Variants in NCALD observed in about 807,000 individuals in gnomAD.
The protein encoded by NCALD is neurocalcin delta.
A neutral mutation model predicts 18.6 loss-of-function variants in NCALD; 10 were observed. The observed-to-expected ratio is 0.54, with a 90% confidence interval of 0.33 to 0.91. The LOEUF (loss-of-function observed/expected upper bound fraction) is 0.91. NCALD is among the 40% of genes least tolerant of loss of function. The pLI, the probability that NCALD is intolerant of heterozygous loss-of-function variation, is 0.03. For missense variants in NCALD, 184 were observed against 247.6 expected, an observed-to-expected ratio of 0.74 and a Z score of 1.72; for synonymous variants, 88 against 87.4, an observed-to-expected ratio of 1.01 and a Z score of -0.04.
At chr8:101,976,463 A>G (rs1292998174) in intron 2 of NCALD, among the ~76,000 whole-genome samples, 2 of 152,228 alleles carry the variant, frequency 1.3e-5, no homozygotes, top group Admixed American at 1.3e-4. Context: ...GAAAAGATAA[A>G]ATAATTTATT....
chr8:101,933,734 G>A (rs1818658812), intron 2 of NCALD, among the ~76,000 whole-genome samples: 1 of 152,144 alleles, frequency 6.6e-6, no homozygotes, highest in Non-Finnish European at 1.5e-5. Context: ...CCTGTCTTGG[G>A]GGTTGGAGGC....
intron 1 of NCALD, among the ~76,000 whole-genome samples, chr8:101,731,013 G>T (rs1286394201): frequency 6.6e-6 from 1 of 152,208 alleles, no homozygotes; most frequent in East Asian, 1.9e-4. Context: ...GTGAACGGGT[G>T]TCGGAGTTTT....
chr8:101,870,897 AC>A (rs59654249), intron 4 of NCALD, among the ~76,000 whole-genome samples: 3,011 of 24,938 alleles, frequency 0.12, 107 homozygotes, highest in Middle Eastern at 0.17. Flanking sequence ...CACCGCCCCC[AC>A]CCCCCCCCCC....
chr8:101,900,977 T>G (rs1225968569), intron 3 of NCALD, among the ~76,000 whole-genome samples: 1 of 152,076 alleles, frequency 6.6e-6, no homozygotes, highest in Non-Finnish European at 1.5e-5. Flanking sequence ...TTTTCAGTTC[T>G]ATCAGTTTTG....
intron 4 of NCALD, among the ~76,000 whole-genome samples, chr8:101,806,181 C>G (rs1813093702): frequency 6.6e-6 from 1 of 151,900 alleles, no homozygotes; most frequent in South Asian, 2.1e-4. Context: ...TCATTAAAAA[C>G]AACAACAAAA....
At chr8:102,117,866 G>T (rs899212638) in intron 1 of NCALD, among the ~76,000 whole-genome samples, 1 of 152,146 alleles carries the variant, frequency 6.6e-6, no homozygotes, top group South Asian at 2.1e-4. Flanking sequence ...AAACACACAG[G>T]TTGGGGAAAA....
intron 2 of NCALD, among the ~76,000 whole-genome samples, chr8:101,987,540 A>G (rs921960562): frequency 6.6e-6 from 1 of 152,202 alleles, no homozygotes; most frequent in Non-Finnish European, 1.5e-5. Flanking sequence ...ATAAGTGATA[A>G]AAGCCAATGC....
chr8:101,915,104 C>T (rs952090171), intron 3 of NCALD, among the ~76,000 whole-genome samples: 1 of 152,130 alleles, frequency 6.6e-6, no homozygotes, highest in Non-Finnish European at 1.5e-5. Flanking sequence ...CTCATAACAA[C>T]AAAATATGGT....
intron 4 of NCALD, among the ~76,000 whole-genome samples, chr8:101,813,259 G>A (rs1813373060): frequency 6.6e-6 from 1 of 152,068 alleles, no homozygotes; most frequent in Non-Finnish European, 1.5e-5. Context: ...GAAGAAAGAG[G>A]AATGAGCCAG....
At chr8:102,080,285 CT>C (rs1297081002) in intron 1 of NCALD, among the ~76,000 whole-genome samples, 10 of 152,180 alleles carry the variant, frequency 6.6e-5, no homozygotes. Flanking sequence ...TCCAACCAAC[CT>C]TTATAGCTTA....
At chr8:101,850,894 A>C (rs1407390877) in intron 4 of NCALD, among the ~76,000 whole-genome samples, 1 of 152,198 alleles carries the variant, frequency 6.6e-6, no homozygotes, top group Non-Finnish European at 1.5e-5. Flanking sequence ...ACCCAGATTG[A>C]CAGTTGTCCA....
intron 2 of NCALD, among the ~76,000 whole-genome samples, chr8:101,997,249 G>A (rs1374846924): frequency 6.6e-6 from 1 of 152,216 alleles, no homozygotes; most frequent in Non-Finnish European, 1.5e-5. Context: ...GATATAAAGA[G>A]AGCAGGCAAT....
At chr8:101,747,411 A>G (rs1378929295) in intron 1 of NCALD, among the ~76,000 whole-genome samples, 1 of 152,180 alleles carries the variant, frequency 6.6e-6, no homozygotes, top group East Asian at 1.9e-4. Flanking sequence ...TAAAATTGTT[A>G]TGGTCATCTT....
At chr8:101,772,505 ACT>A (rs2130903659) in intron 1 of NCALD, among the ~76,000 whole-genome samples, 1 of 151,822 alleles carries the variant, frequency 6.6e-6, no homozygotes, top group South Asian at 2.1e-4. Flanking sequence ...GAACAAAACA[ACT>A]CTCTACCTGT....
At chr8:102,116,696 T>TG (rs1165463562) in intron 1 of NCALD, among the ~76,000 whole-genome samples, 3 of 152,178 alleles carry the variant, frequency 2.0e-5, no homozygotes, top group Admixed American at 6.5e-5. Context: ...TTGGTAGAGA[T>TG]GGGGTCTCAC....
At chr8:101,970,968 G>T (rs1820218569) in intron 2 of NCALD, among the ~76,000 whole-genome samples, 1 of 152,242 alleles carries the variant, frequency 6.6e-6, no homozygotes, top group South Asian at 2.1e-4. Flanking sequence ...GTTCACTCTT[G>T]AAAGACTGGA....
At chr8:101,824,604 T>A (rs553723293) in intron 4 of NCALD, among the ~76,000 whole-genome samples, 28 of 152,230 alleles carry the variant, frequency 1.8e-4, no homozygotes, top group Admixed American at 3.3e-4. Context: ...TGGCAAAGAA[T>A]TGAGTGACTA....
At chr8:101,704,445 C>T (rs978861942) in intron 2 of NCALD, among the ~76,000 whole-genome samples, 7 of 152,044 alleles carry the variant, frequency 4.6e-5, no homozygotes, top group African/African-American at 1.2e-4. Context: ...TCTAGGATAC[C>T]GCATGAGAAA....
At chr8:102,062,461 G>T (rs498666) in intron 1 of NCALD, among the ~76,000 whole-genome samples, 1 of 152,110 alleles carries the variant, frequency 6.6e-6, no homozygotes, top group Admixed American at 6.5e-5. Flanking sequence ...GTTCACTATT[G>T]TAGCCTCAGC....
Sources: gnomAD v4.1 joint callset for allele counts (sites outside exome capture counted in the v4.1 genomes callset) on GRCh38, gnomAD v4.1.1 for gene constraint, MANE v1.5 for transcripts, NCBI Gene and HGNC (gene_info 2026-07-23, HGNC 2026-07-21) for gene names.